The following XAB2 variants were observed in gnomAD, a reference collection of about 807,000 sequenced individuals.
XAB2 encodes pre-mRNA-splicing factor SYF1.
Under a neutral mutation model 113.4 loss-of-function variants are expected in XAB2, and 57 were observed. That is an observed-to-expected ratio of 0.50 (90% confidence interval 0.41 to 0.63). The LOEUF is 0.63. XAB2 is among the 20% of genes least tolerant of loss of function. The pLI is 0.00. For synonymous variants in XAB2, 497 were observed against 498.8 expected (o/e 1.00, Z 0.05); for missense variants, 1,037 against 1,233.3 (o/e 0.84, Z 2.38).
At chr19:7,626,863 C>A (rs142676580) in intron 4 of XAB2, among the ~76,000 whole-genome samples, 1 of 152,296 alleles carries the variant, frequency 6.6e-6, no homozygotes, top group Admixed American at 6.5e-5. Flanking sequence ...CACTCCCGCC[C>A]GGCTGGTGCT....
At chr19:7,626,336 G>T in intron 4 of XAB2, 66 bp from the exon 5 acceptor site, 6 of 1,573,172 alleles carry the variant, frequency 3.8e-6, no homozygotes, top group African/African-American at 1.3e-5. Flanking sequence ...TCCCGATTCA[G>T]TGGCTTCGGG....
chr19:7,622,961 G>A, intron 9 of XAB2, 68 bp from the exon 10 acceptor site: 3 of 1,584,384 alleles, frequency 1.9e-6, no homozygotes, highest in Admixed American at 1.8e-5. Context: ...TCAAGGGTCA[G>A]AAAGGTGACC....
rs764848558 is a variant in XAB2 at position 7,627,447 on chromosome 19, G to A, written c.325-7C>T. On this transcript the variant is annotated splice_polypyrimidine_tract_variant and splice_region_variant and intron_variant, in intron 3 of 18. Transcript: ENST00000358368. The surrounding 1 kb of genome is among the most constrained non-coding windows in gnomAD (Gnocchi z 4.5). ...CTAGCCACAGACGAGGCATCTGGGG[G>A]TGTGGGGAGAGGCGGCTGGGGCTAA... is the stretch of plus-strand genomic sequence containing the variant. 1 of 1,601,540 alleles carries A rather than the reference G, an allele frequency of 6.2e-7. No individual in the cohort carries two copies. Among genetic ancestry groups the A allele is most frequent in the South Asian group, 1.1e-5 (1 of 89,842 alleles).
Position 7,620,636 on chromosome 19 carries a change from G to A in XAB2, c.2005C>T (p.Leu669=), listed in dbSNP as rs1272975042. 3.1e-6 allele frequency: 5 copies of A among 1,613,002 alleles called. No individual in the cohort carries two copies. Among genetic ancestry groups the A allele is most frequent in the Non-Finnish European group, 4.2e-6 (5 of 1,179,962 alleles). Residue 669 remains leucine (L), a synonymous_variant, in exon 15 of 19, where the codon CTG becomes TTG. Transcript: ENST00000358368. Reference sequence around the variant, plus strand: ...TTGCACTCCATGTCTGCAAACCGCAGGCACATCTCACGCGCGTGCTCGTCC... The same window carrying A: ...TTGCACTCCATGTCTGCAAACCGCAAGCACATCTCACGCGCGTGCTCGTCC... ...LSDEHAREMC[L]RFADMECKLG...
Position 7,619,561 on chromosome 19 carries a change from G to T in XAB2, c.*25C>A, listed in dbSNP as rs767931632. 3 of 1,481,404 alleles carry T rather than the reference G, an allele frequency of 2.0e-6. No individual in the cohort carries two copies. In the African/African-American group the frequency reaches 4.2e-5, roughly 21 times the overall value. The allele number at this position is 1,481,404 out of a possible 1,614,324, so 91.8% of individuals were successfully genotyped here. On this transcript the variant is annotated 3_prime_UTR_variant, in exon 19 of 19. Coordinates refer to ENST00000358368, the MANE Select transcript of XAB2 (RefSeq NM_020196.3). Reference sequence around the variant, plus strand: ...CGTAGCTGTATTGGGGAGGGGGTGGGGAGGGGGGATGGGGGAGGGACGGGT... The same window carrying T: ...CGTAGCTGTATTGGGGAGGGGGTGGTGAGGGGGGATGGGGGAGGGACGGGT...
At chr19:7,626,095 G>T in intron 5 of XAB2, 41 bp downstream of exon 5, 1 of 1,612,266 alleles carries the variant, frequency 6.2e-7, no homozygotes, top group African/African-American at 1.3e-5. Flanking sequence ...TCATGGAGGG[G>T]GTGGCCCTCC....
At position 7,623,367 on chromosome 19, in the gene XAB2, G is replaced by T. The variant is rs1030831548; in HGVS notation, c.1120-78C>A. ...GTCGGGGCAGAGCTGTGGCTCTGAG[G>T]GGTGGGGCCTGGAGGGTGCTGTGGC... On this transcript the variant is annotated intron_variant, in intron 8 of 18. Transcript: ENST00000358368. The surrounding 1 kb of genome is among the most constrained non-coding windows in gnomAD (Gnocchi z 4.6). 3 of 1,576,394 alleles carry T rather than the reference G, an allele frequency of 1.9e-6. No individual in the cohort carries two copies. In the Admixed American group the frequency reaches 5.1e-5, roughly 27 times the overall value.
Position 7,627,564 on chromosome 19 carries a change from AC to A in XAB2, c.325-125del. The A allele has an allele frequency of 6.7e-7, 1 of 1,503,186 alleles. No individual in the cohort carries two copies. The highest frequency in any genetic ancestry group is 9.0e-7 in the Non-Finnish European group (1 of 1,108,132). The allele number at this position is 1,503,186 out of a possible 1,614,324, so 93.1% of individuals were successfully genotyped here. A position where few individuals can be genotyped will look rare whatever the true frequency, so the allele number is the denominator to read the frequency against. The stretch of plus-strand genomic sequence containing the variant: ...CACATAAATGCGGCGGGACCCAGAA[AC>A]CCCCAGCTCCAGGACTGAGTCCAGC... On this transcript the variant is annotated intron_variant, in intron 3 of 18. Transcript: ENST00000358368. The surrounding 1 kb of genome is among the most constrained non-coding windows in gnomAD (Gnocchi z 4.5).
Position 7,620,983 on chromosome 19 carries a change from C to G in XAB2, c.1834G>C (p.Ala612Pro). The change falls in exon 14 of 19, where the codon GCC becomes CCC. Residue 612 changes from alanine to proline, a missense_variant. Ala to Pro is a conservative substitution (Grantham distance 27). Transcript: ENST00000358368. ...LEEEWGLARHAMAVYERATRA... is the reference protein window; with the variant it reads ...LEEEWGLARHPMAVYERATRA... ...GTGGCACGCTCGTACACGGCCATGG[C>G]ATGCCGGGCCAGGCCCCACTCCTCC... The G allele has an allele frequency of 6.4e-7, 1 of 1,570,096 alleles. No homozygotes were observed. The highest frequency in any genetic ancestry group is 8.6e-7 in the Non-Finnish European group (1 of 1,158,966).
intron 9 of XAB2, 97 bp from the exon 10 acceptor site, chr19:7,622,990 G>A: frequency 6.4e-7 from 1 of 1,555,998 alleles, no homozygotes; most frequent in East Asian, 2.4e-5. Context: ...AAACATACAG[G>A]CACAAACACA....
intron 12 of XAB2, 150 bp from the exon 13 acceptor site, chr19:7,621,447 G>A (rs2031032230): frequency 5.0e-6 from 4 of 804,416 alleles, no homozygotes; most frequent in Non-Finnish European, 7.9e-6. Context: ...AATGGCAGTT[G>A]TGGGGGTCTG....
rs2031074363 is a variant in XAB2, at chr19:7,623,287, G to C, written c.1122C>G (p.Ile374Met). 1 of 1,613,354 alleles carries C rather than the reference G, an allele frequency of 6.2e-7. No individual in the cohort carries two copies. Among genetic ancestry groups the C allele is most frequent in the Non-Finnish European group, 8.5e-7 (1 of 1,179,996 alleles). The change falls in exon 9 of 19, where the codon ATC becomes ATG. Residue 374 changes from isoleucine to methionine, a missense_variant and splice_region_variant. Physicochemically the swap from Ile to Met is conservative, Grantham distance 10. Transcript: ENST00000358368. This position sits in a 1 kb window ranked among gnomAD's most constrained non-coding sequence, Gnocchi z 4.6. The stretch of plus-strand genomic sequence containing the variant: ...GCACAGCCTCTGTGTAGGTGTTGAT[G>C]ATCTGGGGACAGGAGGGAGGAGGTC... ...VALHQGRPRE[I>M]INTYTEAVQT...
chr19:7,623,892 G>T lies in XAB2; in HGVS notation c.968-10C>A, dbSNP rs1168488161. The T allele has an allele frequency of 5.1e-6, 8 of 1,554,230 alleles. No homozygotes were observed. The highest frequency in any genetic ancestry group is 2.2e-4 in the Middle Eastern group (1 of 4,534). On this transcript the variant is annotated splice_polypyrimidine_tract_variant and intron_variant, in intron 7 of 18. Coordinates refer to ENST00000358368, the MANE Select transcript of XAB2 (RefSeq NM_020196.3). The surrounding 1 kb of genome is among the most constrained non-coding windows in gnomAD (Gnocchi z 4.6). Reference sequence around the variant, plus strand: ...TCCAGGTCCACATCATCTGGGAGCCGCGAACATGTTTGTCAGGGGCGGAGA... The same window carrying T: ...TCCAGGTCCACATCATCTGGGAGCCTCGAACATGTTTGTCAGGGGCGGAGA...
At chr19:7,620,111 G>GC (rs1463258171) in intron 16 of XAB2, 36 bp from the exon 17 acceptor site, 2 of 1,604,210 alleles carry the variant, frequency 1.2e-6, no homozygotes, top group African/African-American at 2.7e-5. Context: ...CGCCACGGGG[G>GC]CCCCTCCCAC....
rs544371983 is a variant in XAB2 at position 7,624,575 on chromosome 19, G to A, written c.823-130C>T. On this transcript the variant is annotated intron_variant, in intron 6 of 18. Transcript: ENST00000358368. This position sits in a 1 kb window ranked among gnomAD's most constrained non-coding sequence, Gnocchi z 4.2. ...GTAGTGACGCATCCAGCACCTCTGG[G>A]TAGTGACCCCAGGACAGAGCCTCCG... is the stretch of plus-strand genomic sequence containing the variant. The A allele has an allele frequency of 2.9e-6, 4 of 1,377,168 alleles. No individual in the cohort carries two copies. Among genetic ancestry groups the A allele is most frequent in the Non-Finnish European group, 4.0e-6 (4 of 1,008,568 alleles). 85.3% of individuals were successfully genotyped at this position (1,377,168 alleles called of 1,614,324 possible).
intron 12 of XAB2, chr19:7,622,129 G>T: frequency 3.5e-6 from 2 of 566,888 alleles, no homozygotes; most frequent in Non-Finnish European, 6.3e-6. Context: ...TAAGGAGAGA[G>T]GCCTCAGGAG....
chr19:7,620,762 C>T, intron 14 of XAB2, 84 bp downstream of exon 14: 1 of 1,576,086 alleles, frequency 6.3e-7, no homozygotes, highest in South Asian at 1.2e-5. Flanking sequence ...CCAGAAGGCT[C>T]CTCCTCAGCC....
chr19:7,621,223 G>A lies in XAB2; in HGVS notation c.1692C>T (p.Phe564=). The A allele has an allele frequency of 1.2e-6, 2 of 1,613,160 alleles. No homozygotes were observed. Among genetic ancestry groups the A allele is most frequent in the Non-Finnish European group, 1.7e-6 (2 of 1,179,994 alleles). ...GCTTGCGGCCCCCATAGCGGGCAAT[G>A]AATTTGGTCAGGTAGGTGCTCCAGA... is the stretch of plus-strand genomic sequence containing the variant. The part of the protein sequence containing the change: ...SDIWSTYLTK[F]IARYGGRKLE... The change falls in exon 13 of 19, where the codon TTC becomes TTT. Residue 564 remains phenylalanine (F), a synonymous_variant. Coordinates refer to ENST00000358368, the MANE Select transcript of XAB2 (RefSeq NM_020196.3).
rs751598908 is a variant in XAB2, at chr19:7,620,046, T to C, written c.2296A>G (p.Met766Val). ...TGTTCCAGCAGCTTCATGTCGTCCA[T>C]GCCACTCTGCCCAGGGGCCAGGTCA... Reference protein sequence around the residue: ...VSDLAPGQSGMDDMKLLEQRA... With the variant: ...VSDLAPGQSGVDDMKLLEQRA... The change falls in exon 17 of 19, where the codon ATG (methionine) becomes GTG (valine). Residue 766 changes from methionine (M) to valine (V), a missense_variant. Physicochemically the swap from Met to Val is conservative, Grantham distance 21. Coordinates refer to ENST00000358368, the MANE Select transcript of XAB2 (RefSeq NM_020196.3). 4 of 1,612,256 alleles carry C rather than the reference T, an allele frequency of 2.5e-6. No homozygotes were observed. The highest frequency in any genetic ancestry group is 2.2e-5 in the South Asian group (2 of 91,084).
Sources: gnomAD v4.1 joint callset for allele counts (sites outside exome capture counted in the v4.1 genomes callset) on GRCh38, gnomAD v4.1.1 for gene constraint, Gnocchi (gnomAD v3.1) non-coding constraint, MANE v1.5 for transcripts, NCBI Gene and HGNC (gene_info 2026-07-23, HGNC 2026-07-21) for gene names.